The following KDELR1 variants were observed in gnomAD, a reference collection of about 807,000 sequenced individuals.
KDELR1 encodes ER lumen protein-retaining receptor 1.
KDELR1 carries 16 observed loss-of-function variants against 25.5 expected under a neutral mutation model. That is an observed-to-expected ratio of 0.63 (90% confidence interval 0.43 to 0.95). The LOEUF (loss-of-function observed/expected upper bound fraction) is 0.95, where lower values mean the gene tolerates loss of function less well. KDELR1 is among the 40% of genes least tolerant of loss of function. The probability of loss-of-function intolerance (pLI) is 0.00; values close to 1 mark genes in which losing one functional copy is unlikely to be tolerated. For missense variants in KDELR1, 159 were observed against 265.2 expected (o/e 0.60, Z 2.78); for synonymous variants, 121 against 115.0 (o/e 1.05, Z -0.33).
At chr19:48,383,379 G>A in intron 4 of KDELR1, 52 bp from the exon 5 acceptor site, 1 of 1,522,620 alleles carries the variant, frequency 6.6e-7, no homozygotes, top group Non-Finnish European at 8.9e-7. Flanking sequence ...CCTGCAGGGA[G>A]GGGACAGCCT....
At chr19:48,395,780 A>G (rs908943549), upstream of KDELR1, among the ~76,000 whole-genome samples, 1 of 152,088 alleles carries the variant, frequency 6.6e-6, no homozygotes, top group Non-Finnish European at 1.5e-5. Flanking sequence ...GTTTGAAACC[A>G]AAAGGGGATC....
upstream of KDELR1, among the ~76,000 whole-genome samples, chr19:48,393,508 C>A (rs185563680): frequency 6.6e-6 from 1 of 152,224 alleles, no homozygotes; most frequent in Admixed American, 6.5e-5. The surrounding 1 kb of genome is among the most constrained non-coding windows in gnomAD (Gnocchi z 5.6). Context: ...TTATTTTCAG[C>A]CCCTCACTCC....
chr19:48,386,110 CTTT>C (rs558516450), intron 3 of KDELR1, among the ~76,000 whole-genome samples: 5 of 138,394 alleles, frequency 3.6e-5, no homozygotes, highest in African/African-American at 1.1e-4. Flanking sequence ...AGGTCTGTTG[CTTT>C]TTTTTTTTTT....
At position 48,391,275 on chromosome 19, in the gene KDELR1, C is replaced by G. The variant is rs1313618551; in HGVS notation, c.84G>C (p.Ser28=). Residue 28 remains serine, a synonymous_variant, in exon 1 of 5, where the codon TCG becomes TCC. Coordinates refer to ENST00000330720, the MANE Select transcript of KDELR1 (RefSeq NM_006801.3). ...LLLLKIWKSR[S]CAGISGKSQV... Reference sequence around the variant, plus strand: ...CCCTGGTGGGCCTCTCACCGGCGCACGAGCGGGACTTCCAGATTTTGAGCA... The same window carrying G: ...CCCTGGTGGGCCTCTCACCGGCGCAGGAGCGGGACTTCCAGATTTTGAGCA... 6.4e-7 allele frequency: 1 copy of G among 1,554,850 alleles called. No individual in the cohort carries two copies. Among genetic ancestry groups the G allele is most frequent in the Admixed American group, 1.9e-5 (1 of 51,362 alleles).
At chr19:48,395,561 TG>T (rs1308054270), upstream of KDELR1, among the ~76,000 whole-genome samples, 3 of 151,730 alleles carry the variant, frequency 2.0e-5, no homozygotes, top group African/African-American at 4.8e-5. Context: ...CTCGAGGTTG[TG>T]GGGGGAGCTG....
rs1319194397 is a variant in KDELR1, at chr19:48,391,435, A to T, written c.-77T>A. On this transcript the variant is annotated 5_prime_UTR_variant, in exon 1 of 5. Coordinates refer to ENST00000330720, the MANE Select transcript of KDELR1 (RefSeq NM_006801.3). ...GGTGCCCCCCGAGGCTGCTGGTCTG[A>T]ACGGGTAGCTGGGCTGGGGGGACGG... 2.5e-6 allele frequency: 3 copies of T among 1,183,790 alleles called. No homozygotes were observed. The highest frequency in any genetic ancestry group is 3.7e-6 in the Non-Finnish European group (3 of 815,316). 73.3% of individuals were successfully genotyped at this position (1,183,790 alleles called of 1,614,324 possible).
At chr19:48,391,839 C>A (rs1970558616), upstream of KDELR1, among the ~76,000 whole-genome samples, 1 of 152,120 alleles carries the variant, frequency 6.6e-6, no homozygotes. Flanking sequence ...CTTGAAAAAT[C>A]CTGCAGGGAC....
chr19:48,384,003 C>T lies in KDELR1; in HGVS notation c.604+227G>A, dbSNP rs963444185. On this transcript the variant is annotated intron_variant, in intron 4 of 4. Coordinates refer to ENST00000330720, the MANE Select transcript of KDELR1 (RefSeq NM_006801.3). The surrounding 1 kb of genome is among the most constrained non-coding windows in gnomAD (Gnocchi z 4.6). The stretch of plus-strand genomic sequence containing the variant: ...CTGAGTCCCTGCCCTGCCTGGCCTA[C>T]GCTCCAAGTGACATGGGGGCTAAGG... Among the ~76,000 whole-genome samples the T allele has an allele frequency of 8.5e-5, 13 of 152,184 alleles. No homozygotes were observed. The highest frequency in any genetic ancestry group is 2.4e-4 in the African/African-American group (10 of 41,434).
rs1411652721 is a variant in KDELR1, at chr19:48,391,529, G to C, written c.-171C>G. On this transcript the variant is annotated 5_prime_UTR_variant, in exon 1 of 5. Coordinates refer to ENST00000330720, the MANE Select transcript of KDELR1 (RefSeq NM_006801.3). ...GGAGGGGGAGCAAAGGCTGGAGCTGGCGGCGGAGCTGGAGCCGGGAAGAGG... is the reference window on the plus strand; with the variant it reads ...GGAGGGGGAGCAAAGGCTGGAGCTGCCGGCGGAGCTGGAGCCGGGAAGAGG... The C allele has an allele frequency of 1.7e-6, 1 of 600,878 alleles. No individual in the cohort carries two copies. The highest frequency in any genetic ancestry group is 3.0e-6 in the Non-Finnish European group (1 of 337,578). The allele number at this position is 600,878 out of a possible 1,614,324, so 37.2% of individuals were successfully genotyped here.
chr19:48,384,402 C>T lies in KDELR1; in HGVS notation c.432G>A (p.Ala144=), dbSNP rs185849368. The change falls in exon 4 of 5, where the codon GCG becomes GCA. Residue 144 remains alanine, a synonymous_variant. Coordinates refer to ENST00000330720, the MANE Select transcript of KDELR1 (RefSeq NM_006801.3). The surrounding 1 kb of genome is among the most constrained non-coding windows in gnomAD (Gnocchi z 4.6). Reference sequence around the variant, plus strand: ...ACAAGTAGTGGCTGGTGATGGTCTCCGCCTCGCCGGTCTTGCTCACCATGA... The same window carrying T: ...ACAAGTAGTGGCTGGTGATGGTCTCTGCCTCGCCGGTCTTGCTCACCATGA... ...QLFMVSKTGE[A]ETITSHYLFA... is the part of the protein sequence containing the mutation. The T allele has an allele frequency of 2.8e-5, 45 of 1,613,966 alleles. No individual in the cohort carries two copies. Among genetic ancestry groups the T allele is most frequent in the Admixed American group, 2.3e-4 (14 of 59,978 alleles).
chr19:48,389,743 A>C (rs1569053083), intron 2 of KDELR1, 32 bp from the exon 3 acceptor site: 2 of 1,612,002 alleles, frequency 1.2e-6, no homozygotes, highest in Non-Finnish European at 1.7e-6. Context: ...AGGGGCCTCA[A>C]CTCACAGGCC....
At chr19:48,393,973 G>A (rs1328986744), upstream of KDELR1, among the ~76,000 whole-genome samples, 3 of 151,856 alleles carry the variant, frequency 2.0e-5, no homozygotes, top group African/African-American at 4.8e-5. The surrounding 1 kb of genome is among the most constrained non-coding windows in gnomAD (Gnocchi z 5.6). Flanking sequence ...TGTCTGTACC[G>A]ACCCTGAGCT....
chr19:48,391,429 G>C lies in KDELR1; in HGVS notation c.-71C>G, dbSNP rs936543514. On this transcript the variant is annotated 5_prime_UTR_variant, in exon 1 of 5. Transcript: ENST00000330720. ...CGGGGGGGTGCCCCCCGAGGCTGCT[G>C]GTCTGAACGGGTAGCTGGGCTGGGG... 16 of 1,205,074 alleles carry C rather than the reference G, an allele frequency of 1.3e-5. No homozygotes were observed. The highest frequency in any genetic ancestry group is 1.9e-5 in the Non-Finnish European group (16 of 834,136). The allele number at this position is 1,205,074 out of a possible 1,614,324, so 74.6% of individuals were successfully genotyped here.
Position 48,391,413 on chromosome 19 carries a change from G to T in KDELR1, c.-55C>A, listed in dbSNP as rs1384193550. On this transcript the variant is annotated 5_prime_UTR_variant, in exon 1 of 5. Transcript: ENST00000330720. ...GAGGGAGGCAGGCTGGCGGGGGGGT[G>T]CCCCCCGAGGCTGCTGGTCTGAACG... 7.2e-7 allele frequency: 1 copy of T among 1,384,532 alleles called. No homozygotes were observed. Among genetic ancestry groups the T allele is most frequent in the Non-Finnish European group, 1.0e-6 (1 of 996,878 alleles). 85.8% of individuals were successfully genotyped at this position (1,384,532 alleles called of 1,614,324 possible).
chr19:48,390,818 A>T lies in KDELR1; in HGVS notation c.92-294T>A. 1.3e-5 allele frequency: 6 copies of T among 451,320 alleles called. No homozygotes were observed. The South Asian group carries it at 1.5e-4, about 11-fold the overall frequency. 28.0% of individuals were successfully genotyped at this position (451,320 alleles called of 1,614,324 possible). On this transcript the variant is annotated intron_variant, in intron 1 of 4. Transcript: ENST00000330720. ...GAGGCTCCGTCCCAGACTAGGCCTC[A>T]TGGCTACCCCTGGCCCCTCAGGGTC...
At chr19:48,394,115 GTCC>G (rs973582399), upstream of KDELR1, among the ~76,000 whole-genome samples, 19 of 152,152 alleles carry the variant, frequency 1.2e-4, no homozygotes, top group African/African-American at 4.1e-4. The surrounding 1 kb of genome is among the most constrained non-coding windows in gnomAD (Gnocchi z 5.1). Context: ...GGCTGCCTGT[GTCC>G]TCCTGTCTGT....
the KDELR1 span, among the ~76,000 whole-genome samples, chr19:48,396,814 A>G: frequency 1.3e-5 from 2 of 151,902 alleles, no homozygotes; most frequent in African/African-American, 2.4e-5. Context: ...GGCCTGCGCT[A>G]CCATGGCAAC....
chr19:48,386,637 G>A (rs949378891), intron 3 of KDELR1, among the ~76,000 whole-genome samples: 18 of 144,638 alleles, frequency 1.2e-4, no homozygotes, highest in Non-Finnish European at 2.0e-4. Flanking sequence ...TAATAGACAG[G>A]GGGTTTCAGC....
upstream of KDELR1, among the ~76,000 whole-genome samples, chr19:48,394,641 C>A (rs947983076): frequency 6.6e-6 from 1 of 152,128 alleles, no homozygotes; most frequent in Non-Finnish European, 1.5e-5. This position sits in a 1 kb window ranked among gnomAD's most constrained non-coding sequence, Gnocchi z 5.1. Context: ...CTGCAATGTC[C>A]GGGGCCCAAC....
Sources: gnomAD v4.1 joint callset for allele counts (sites outside exome capture counted in the v4.1 genomes callset) on GRCh38, gnomAD v4.1.1 for gene constraint, Gnocchi (gnomAD v3.1) non-coding constraint, MANE v1.5 for transcripts, NCBI Gene and HGNC (gene_info 2026-07-23, HGNC 2026-07-21) for gene names.